The following FBXL12 variants were observed in gnomAD, a reference collection of about 807,000 sequenced individuals.
The protein encoded by FBXL12 is F-box/LRR-repeat protein 12.
FBXL12 carries 22 observed loss-of-function variants against 24.9 expected under a neutral mutation model. That is an observed-to-expected ratio of 0.88 (90% CI 0.63 to 1.26). FBXL12 has a LOEUF of 1.26. Ranked by LOEUF, FBXL12 falls within the 50% of genes most tolerant of loss-of-function variation. The pLI is 0.00. For missense variants in FBXL12, 384 were observed against 434.1 expected (o/e 0.88, Z 1.03); for synonymous variants, 193 against 193.8 (o/e 1.00, Z 0.03).
chr19:9,810,303 T>C lies in FBXL12; in HGVS notation c.*593A>G, dbSNP rs1303288158. On this transcript the variant is annotated 3_prime_UTR_variant, in exon 3 of 3. Transcript: ENST00000247977. ...AAAAAATGATTTTTTTCTTTAATAG[T>C]AAAATAATATACGTCTTGGAAAATA... 1 of 152,118 alleles carries C rather than the reference T, an allele frequency of 6.6e-6. No individual in the cohort carries two copies. Among genetic ancestry groups the C allele is most frequent in the Non-Finnish European group, 1.5e-5 (1 of 68,026 alleles). 9.4% of individuals were successfully genotyped at this position (152,118 alleles called of 1,614,324 possible). A position where few individuals can be genotyped will look rare whatever the true frequency, so the allele number is the denominator to read the frequency against.
Position 9,812,339 on chromosome 19 carries a change from T to G in FBXL12, c.160-622A>C, listed in dbSNP as rs544326056. On this transcript the variant is annotated intron_variant, in intron 2 of 2. Transcript: ENST00000247977. ...TGAGGTCAGGAGTTTAATACCAGCC[T>G]GGCCAACATGGTGAAACCATGTTTC... Among the ~76,000 whole-genome samples the G allele has an allele frequency of 3.2e-3, 484 of 152,054 alleles. 1 individual carries two copies. The highest frequency in any genetic ancestry group is 5.8e-3 in the Non-Finnish European group (395 of 67,964).
chr19:9,813,697 G>GTTTA (rs1380285720), intron 2 of FBXL12, among the ~76,000 whole-genome samples: 4 of 151,934 alleles, frequency 2.6e-5, no homozygotes, highest in Admixed American at 2.6e-4. Context: ...GTAGAGACGC[G>GTTTA]GTTTCACCAT....
In FBXL12 at chr19:9,818,899, G is replaced by A; in HGVS notation, c.-86C>T. The A allele has an allele frequency of 1.6e-6, 2 of 1,282,210 alleles. No homozygotes were observed. The highest frequency in any genetic ancestry group is 2.3e-5 in the Admixed American group (1 of 43,312). 79.4% of individuals were successfully genotyped at this position (1,282,210 alleles called of 1,614,324 possible). On this transcript the variant is annotated 5_prime_UTR_variant, in exon 1 of 3. Transcript: ENST00000247977. ...CGAGGCGGCTGACAGGGCGGCGGCC[G>A]CGACCTTCCCGTAGCCGGTCGAGAA...
At position 9,814,776 on chromosome 19, in the gene FBXL12, G is replaced by C. The variant is rs566040827; in HGVS notation, c.160-3059C>G. The C allele has an allele frequency of 2.0e-5, 3 of 151,866 alleles. No individual in the cohort carries two copies. The East Asian group carries it at 5.8e-4, about 29-fold the overall frequency. 9.4% of individuals were successfully genotyped at this position (151,866 alleles called of 1,614,324 possible). ...CCCTGATAAACCCATCAGATCTCTT[G>C]AGATTTATTCACTATCACGAGAATA... is the stretch of plus-strand genomic sequence containing the variant. On this transcript the variant is annotated intron_variant, in intron 2 of 2. Coordinates refer to ENST00000247977, the MANE Select transcript of FBXL12 (RefSeq NM_017703.3).
chr19:9,818,843 G>A lies in FBXL12; in HGVS notation c.-30C>T, dbSNP rs1185351283. 8 of 1,539,334 alleles carry A rather than the reference G, an allele frequency of 5.2e-6. No homozygotes were observed. The highest frequency in any genetic ancestry group is 7.0e-6 in the Non-Finnish European group (8 of 1,137,260). ...CCGCCGACACGCACTTCCGCTTCCGGTTAAAGAGACCCGAGGGGTCCTGGG... is the reference window on the plus strand; with the variant it reads ...CCGCCGACACGCACTTCCGCTTCCGATTAAAGAGACCCGAGGGGTCCTGGG... On this transcript the variant is annotated 5_prime_UTR_variant, in exon 1 of 3. Coordinates refer to ENST00000247977, the MANE Select transcript of FBXL12 (RefSeq NM_017703.3).
In FBXL12 at chr19:9,811,795, A is replaced by G; in HGVS notation, c.160-78T>C. Reference sequence around the variant, plus strand: ...GCCCCTGCTGGGCTGGAGACACACAACCCCGGGGTGGGGGATTCTGGTGCC... The same window carrying G: ...GCCCCTGCTGGGCTGGAGACACACAGCCCCGGGGTGGGGGATTCTGGTGCC... On this transcript the variant is annotated intron_variant, in intron 2 of 2. Coordinates refer to ENST00000247977, the MANE Select transcript of FBXL12 (RefSeq NM_017703.3). The surrounding 1 kb of genome is among the most constrained non-coding windows in gnomAD (Gnocchi z 6.0). 8.1e-7 allele frequency: 1 copy of G among 1,241,030 alleles called. No homozygotes were observed. Among genetic ancestry groups the G allele is most frequent in the Non-Finnish European group, 1.1e-6 (1 of 932,476 alleles). The allele number at this position is 1,241,030 out of a possible 1,614,324, so 76.9% of individuals were successfully genotyped here. A position where few individuals can be genotyped will look rare whatever the true frequency, so the allele number is the denominator to read the frequency against.
intron 2 of FBXL12, among the ~76,000 whole-genome samples, chr19:9,816,756 T>C (rs1350878339): frequency 6.6e-6 from 1 of 152,324 alleles, no homozygotes; most frequent in East Asian, 1.9e-4. Flanking sequence ...CATTTTTGGG[T>C]ATCTTTTCAG....
intron 2 of FBXL12, among the ~76,000 whole-genome samples, chr19:9,812,530 CAAAA>C (rs374538314): frequency 3.1e-5 from 1 of 32,566 alleles, no homozygotes. Flanking sequence ...GACTCTGTCT[CAAAA>C]AAAAAAAAAA....
intron 2 of FBXL12, among the ~76,000 whole-genome samples, chr19:9,815,629 C>A (rs138981468): frequency 1.3e-5 from 2 of 151,724 alleles, no homozygotes; most frequent in Non-Finnish European, 2.9e-5. Context: ...CTTCTGAAAT[C>A]TAGGCAGAGG....
chr19:9,810,931 C>A lies in FBXL12; in HGVS notation c.946G>T (p.Ala316Ser), dbSNP rs1033913671. ...GLPHCMVIVR[A>S]CPKESMDWWM Reference sequence around the variant, plus strand: ...CAGTCCATAGACTCTTTGGGGCAAGCCCTGACGATGACCATACAGTGGGGC... The same window carrying A: ...CAGTCCATAGACTCTTTGGGGCAAGACCTGACGATGACCATACAGTGGGGC... Residue 316 changes from alanine to serine, a missense_variant, in exon 3 of 3, where the codon GCT becomes TCT. By Grantham distance (99) the Ala-to-Ser change is moderately conservative. Transcript: ENST00000247977. 8 of 1,598,692 alleles carry A rather than the reference C, an allele frequency of 5.0e-6. No individual in the cohort carries two copies. Among genetic ancestry groups the A allele is most frequent in the Non-Finnish European group, 6.8e-6 (8 of 1,167,900 alleles).
chr19:9,812,530 CAAAAAA>C (rs374538314), intron 2 of FBXL12, among the ~76,000 whole-genome samples: 3 of 32,566 alleles, frequency 9.2e-5, no homozygotes, highest in African/African-American at 3.0e-4. Flanking sequence ...GACTCTGTCT[CAAAAAA>C]AAAAAAAAAA....
At position 9,811,373 on chromosome 19, in the gene FBXL12, G is replaced by T; in HGVS notation, c.504C>A (p.His168Gln). The change falls in exon 3 of 3, where the codon CAC becomes CAA. Residue 168 changes from histidine (H) to glutamine (Q), a missense_variant. Transcript: ENST00000247977. The surrounding 1 kb of genome is among the most constrained non-coding windows in gnomAD (Gnocchi z 6.0). Reference protein sequence around the residue: ...LDRVPAFRDEHLQGLTRFRAL... With the variant: ...LDRVPAFRDEQLQGLTRFRAL... The stretch of plus-strand genomic sequence containing the variant: ...CCCGGAAGCGCGTCAGGCCCTGCAG[G>T]TGCTCGTCACGGAAGGCGGGGACGC... 6.2e-7 allele frequency: 1 copy of T among 1,612,282 alleles called. No individual in the cohort carries two copies. The highest frequency in any genetic ancestry group is 8.5e-7 in the Non-Finnish European group (1 of 1,179,956).
chr19:9,819,021 G>T lies in FBXL12; in HGVS notation c.-208C>A. 1 of 597,626 alleles carries T rather than the reference G, an allele frequency of 1.7e-6. No homozygotes were observed. The highest frequency in any genetic ancestry group is 2.0e-5 in the South Asian group (1 of 49,874). 37.0% of individuals were successfully genotyped at this position (597,626 alleles called of 1,614,324 possible). ...CAGCCTGGAAAGCGTGGCTGAGGCA[G>T]TGAGAGGCTTGCGGGAGGTGGCTGA... On this transcript the variant is annotated 5_prime_UTR_variant, in exon 1 of 3. It adds an upstream start codon to the 5' untranslated region. Transcript: ENST00000247977.
rs756080737 is a variant in FBXL12 at position 9,811,630 on chromosome 19, CAG to C, written c.245_246del (p.Ser82TrpfsTer72). On this transcript the variant is annotated frameshift_variant, in exon 3 of 3. Coordinates refer to ENST00000247977, the MANE Select transcript of FBXL12 (RefSeq NM_017703.3). LOFTEE classifies it high-confidence loss of function. This position sits in a 1 kb window ranked among gnomAD's most constrained non-coding sequence, Gnocchi z 6.0. ...GGGGACAACTGGGGGGCCTGGGAGCCAGAGAACAGGTAGCCACCCATCCGCAG... is the reference window on the plus strand; with the variant it reads ...GGGGACAACTGGGGGGCCTGGGAGCCAGAACAGGTAGCCACCCATCCGCAG... Reference protein sequence around the residue: ...HSLRMGGYLFSGSQAPQLSPA... With the variant: ...HSLRMGGYLFXGSQAPQLSPA... 2.5e-4 allele frequency: 388 copies of C among 1,532,664 alleles called. 1 individual carries two copies. The highest frequency in any genetic ancestry group is 4.3e-5 in the Non-Finnish European group (49 of 1,139,176). 94.9% of individuals were successfully genotyped at this position (1,532,664 alleles called of 1,614,324 possible).
intron 2 of FBXL12, among the ~76,000 whole-genome samples, chr19:9,815,803 C>T (rs1234539910): frequency 2.6e-5 from 4 of 152,130 alleles, no homozygotes; most frequent in South Asian, 2.1e-4. Flanking sequence ...TACAAGCATG[C>T]GCCACCACGC....
chr19:9,818,010 T>TC (rs2045918026), intron 2 of FBXL12: 1 of 227,680 alleles, frequency 4.4e-6, no homozygotes, highest in Non-Finnish European at 8.5e-6. Context: ...GCCCAGGAGT[T>TC]CGAGACCAGC....
chr19:9,818,896 G>A lies in FBXL12; in HGVS notation c.-83C>T. 3 of 1,309,508 alleles carry A rather than the reference G, an allele frequency of 2.3e-6. No homozygotes were observed. The highest frequency in any genetic ancestry group is 3.2e-6 in the Non-Finnish European group (3 of 945,764). 81.1% of individuals were successfully genotyped at this position (1,309,508 alleles called of 1,614,324 possible). ...CGCCGAGGCGGCTGACAGGGCGGCGGCCGCGACCTTCCCGTAGCCGGTCGA... is the reference window on the plus strand; with the variant it reads ...CGCCGAGGCGGCTGACAGGGCGGCGACCGCGACCTTCCCGTAGCCGGTCGA... On this transcript the variant is annotated 5_prime_UTR_variant, in exon 1 of 3. Coordinates refer to ENST00000247977, the MANE Select transcript of FBXL12 (RefSeq NM_017703.3).
chr19:9,811,770 G>C lies in FBXL12; in HGVS notation c.160-53C>G, dbSNP rs1440082861. On this transcript the variant is annotated intron_variant, in intron 2 of 2. Coordinates refer to ENST00000247977, the MANE Select transcript of FBXL12 (RefSeq NM_017703.3). This position sits in a 1 kb window ranked among gnomAD's most constrained non-coding sequence, Gnocchi z 6.0. Reference sequence around the variant, plus strand: ...GAGTGAGAGGTATGGAGCTTCCAAGGCCCCTGCTGGGCTGGAGACACACAA... The same window carrying C: ...GAGTGAGAGGTATGGAGCTTCCAAGCCCCCTGCTGGGCTGGAGACACACAA... The C allele has an allele frequency of 1.4e-6, 2 of 1,434,442 alleles. No individual in the cohort carries two copies. Among genetic ancestry groups the C allele is most frequent in the African/African-American group, 2.9e-5 (2 of 70,164 alleles). 88.9% of individuals were successfully genotyped at this position (1,434,442 alleles called of 1,614,324 possible).
chr19:9,818,370 G>C, intron 2 of FBXL12, 175 bp downstream of exon 2: 1 of 656,088 alleles, frequency 1.5e-6, no homozygotes, highest in Non-Finnish European at 2.6e-6. Flanking sequence ...TGAGGAAATT[G>C]AGGCCCTGAG....
Sources: gnomAD v4.1 joint callset for allele counts (sites outside exome capture counted in the v4.1 genomes callset) on GRCh38, gnomAD v4.1.1 for gene constraint, Gnocchi (gnomAD v3.1) non-coding constraint, MANE v1.5 for transcripts, NCBI Gene and HGNC (gene_info 2026-07-23, HGNC 2026-07-21) for gene names.